Variants in CELF4 observed in about 807,000 individuals in gnomAD.
CELF4 encodes CUGBP Elav-like family member 4, also known as CUG-BP- and ETR-3-like factor 4.
In CELF4, 18 loss-of-function variants were observed where a neutral mutation model predicts 59.9. The observed-to-expected ratio is 0.30, with a 90% CI of 0.21 to 0.45. CELF4 has a LOEUF of 0.45. Among genes scored for constraint, CELF4 ranks in the 20% least tolerant of loss-of-function variants. The probability of loss-of-function intolerance (pLI) is 1.00; values close to 1 mark genes in which losing one functional copy is unlikely to be tolerated. For synonymous variants in CELF4, 261 were observed against 267.1 expected (o/e 0.98, Z 0.22); for missense variants, 456 against 689.0 (o/e 0.66, Z 3.79).
intron 3 of CELF4, among the ~76,000 whole-genome samples, chr18:37,301,816 C>G (rs1016244735): frequency 6.6e-6 from 1 of 152,208 alleles, no homozygotes; most frequent in African/African-American, 2.4e-5. Context: ...GTCACTAGCC[C>G]TTAATTGATC....
At chr18:37,506,743 G>A (rs576632329) in intron 1 of CELF4, among the ~76,000 whole-genome samples, 1 of 152,326 alleles carries the variant, frequency 6.6e-6, no homozygotes, top group South Asian at 2.1e-4. Context: ...CGGCAGCAGC[G>A]CCATTAAACG....
intron 2 of CELF4, among the ~76,000 whole-genome samples, chr18:37,447,890 A>T (rs533971349): frequency 6.6e-6 from 1 of 152,290 alleles, no homozygotes; most frequent in South Asian, 2.1e-4. Flanking sequence ...CCAGATGGCC[A>T]GCACCACTGG....
intron 3 of CELF4, among the ~76,000 whole-genome samples, chr18:37,307,389 C>T (rs1036593923): frequency 3.3e-5 from 5 of 152,108 alleles, no homozygotes; most frequent in Admixed American, 6.6e-5. Flanking sequence ...ACTCTCCGAT[C>T]CAAATTAAAA....
chr18:37,533,258 T>C (rs1470101345), intron 1 of CELF4, among the ~76,000 whole-genome samples: 3 of 152,222 alleles, frequency 2.0e-5, no homozygotes, highest in Admixed American at 6.5e-5. Context: ...CTCATTTCCC[T>C]GAGTGTGAGT....
intron 2 of CELF4, among the ~76,000 whole-genome samples, chr18:37,442,286 G>A (rs1215717934): frequency 6.6e-6 from 1 of 152,152 alleles, no homozygotes; most frequent in Non-Finnish European, 1.5e-5. Flanking sequence ...TGCTTGCCAA[G>A]TCGTGACATA....
intron 2 of CELF4, among the ~76,000 whole-genome samples, chr18:37,350,101 C>G (rs1229480956): frequency 6.6e-6 from 1 of 152,034 alleles, no homozygotes. Flanking sequence ...GATAGAGGAG[C>G]AAGAATCCAT....
At chr18:37,401,627 T>C (rs916360089) in intron 2 of CELF4, among the ~76,000 whole-genome samples, 3 of 152,198 alleles carry the variant, frequency 2.0e-5, no homozygotes, top group Non-Finnish European at 4.4e-5. Context: ...TCCCAGCCTG[T>C]GAGCCACAGA....
chr18:37,318,954 C>A (rs929803360), intron 3 of CELF4, among the ~76,000 whole-genome samples: 8 of 152,144 alleles, frequency 5.3e-5, no homozygotes, highest in Non-Finnish European at 8.8e-5. Context: ...TTCATGCCAT[C>A]CCCCCTTCTC....
chr18:37,505,315 C>A (rs2099936565), intron 1 of CELF4, among the ~76,000 whole-genome samples: 2 of 152,224 alleles, frequency 1.3e-5, no homozygotes, highest in Admixed American at 6.5e-5. Context: ...CTTTCAGCAA[C>A]TTTTCTATTT....
chr18:37,330,061 AG>A (rs2097483063), intron 2 of CELF4, among the ~76,000 whole-genome samples: 1 of 152,238 alleles, frequency 6.6e-6, no homozygotes, highest in Non-Finnish European at 1.5e-5. Context: ...AAGAATTTTC[AG>A]CCATAGGGAT....
chr18:37,561,913 GAGAAA>G (rs1467137705), intron 1 of CELF4, among the ~76,000 whole-genome samples: 1 of 152,202 alleles, frequency 6.6e-6, no homozygotes, highest in Non-Finnish European at 1.5e-5. Context: ...TCTAATAGGG[GAGAAA>G]AGAAGACTCT....
At chr18:37,356,069 G>C (rs188993271) in intron 2 of CELF4, among the ~76,000 whole-genome samples, 6 of 152,262 alleles carry the variant, frequency 3.9e-5, no homozygotes, top group Non-Finnish European at 2.9e-5. Context: ...TGGTAGTATG[G>C]GTGCACTGAG....
At chr18:37,396,463 A>G (rs1356501115) in intron 2 of CELF4, among the ~76,000 whole-genome samples, 1 of 152,214 alleles carries the variant, frequency 6.6e-6, no homozygotes, top group African/African-American at 2.4e-5. Flanking sequence ...AAGGATTAAA[A>G]ACAGACAAAC....
intron 10 of CELF4, among the ~76,000 whole-genome samples, chr18:37,263,913 G>A (rs1287940218): frequency 6.6e-6 from 1 of 152,004 alleles, no homozygotes; most frequent in Non-Finnish European, 1.5e-5. Flanking sequence ...ATTCCCCTCA[G>A]CCATGAGCAC....
chr18:37,274,572 T>C lies in CELF4; in HGVS notation c.658-118A>G, dbSNP rs771850620. On this transcript the variant is annotated intron_variant, in intron 5 of 12. Coordinates refer to ENST00000420428, the MANE Select transcript of CELF4 (RefSeq NM_020180.4). ...TCGGGGCGCTTTGGAGGAGGCGGCA[T>C]CGGCGCTCGCCCAGGGGAATGAGGT... 17 of 1,582,480 alleles carry C rather than the reference T, an allele frequency of 1.1e-5. No homozygotes were observed. The Middle Eastern group carries it at 8.3e-4, about 77-fold the overall frequency.
chr18:37,368,936 T>A (rs73950713), intron 2 of CELF4, among the ~76,000 whole-genome samples: 2,104 of 152,276 alleles, frequency 0.014, 51 homozygotes, highest in African/African-American at 0.048. Context: ...TCCTGGTGCA[T>A]ACAAGCCTGC....
chr18:37,268,815 A>C (rs1333480250), intron 8 of CELF4, among the ~76,000 whole-genome samples: 1 of 152,258 alleles, frequency 6.6e-6, no homozygotes, highest in African/African-American at 2.4e-5. Flanking sequence ...CTCGCTCATT[A>C]CAGCGGGTCC....
At chr18:37,268,127 C>A (rs1343922339) in intron 8 of CELF4, among the ~76,000 whole-genome samples, 2 of 152,164 alleles carry the variant, frequency 1.3e-5, no homozygotes, top group Admixed American at 6.5e-5. Context: ...ACAGTAGGTT[C>A]TATAGCCCCC....
intron 1 of CELF4, among the ~76,000 whole-genome samples, chr18:37,534,789 G>A (rs940855073): frequency 6.6e-6 from 1 of 152,198 alleles, no homozygotes; most frequent in Non-Finnish European, 1.5e-5. Flanking sequence ...GGGTATGAAT[G>A]CAGACACTTC....
Sources: allele counts gnomAD v4.1 joint callset (sites outside exome capture counted in the v4.1 genomes callset), GRCh38; gene constraint gnomAD v4.1.1; transcripts MANE v1.5; gene names NCBI Gene and HGNC (gene_info 2026-07-23, HGNC 2026-07-21).